The following UBXN4 variants were observed in gnomAD, a reference collection of about 807,000 sequenced individuals.
UBXN4 encodes the protein UBX domain-containing protein 4.
In UBXN4, 35 loss-of-function variants were observed where a neutral mutation model predicts 66.2. The ratio of observed to expected loss-of-function variants is 0.53; its 90% CI spans 0.40 to 0.70. The LOEUF (loss-of-function observed/expected upper bound fraction) is 0.70. Among genes scored for constraint, UBXN4 ranks in the 30% least tolerant of loss-of-function variants. The pLI, the probability that UBXN4 is intolerant of heterozygous loss-of-function variation, is 0.00. For missense variants in UBXN4, 533 were observed against 599.8 expected (o/e 0.89, Z 1.16); for synonymous variants, 203 against 204.5 (o/e 0.99, Z 0.06).
chr2:135,750,578 A>G (rs1161252642), intron 2 of UBXN4, among the ~76,000 whole-genome samples: 3 of 152,138 alleles, frequency 2.0e-5, no homozygotes, highest in African/African-American at 7.2e-5. Flanking sequence ...TTATGTAAAA[A>G]TTTTCTGTGT....
chr2:135,773,039 A>C (rs1472174976), intron 9 of UBXN4, among the ~76,000 whole-genome samples: 2 of 138,544 alleles, frequency 1.4e-5, no homozygotes, highest in African/African-American at 6.2e-5. Context: ...TCCGTCCCCA[A>C]AAAAAAAAAA....
At chr2:135,779,288 A>G (rs975700784) in intron 11 of UBXN4, among the ~76,000 whole-genome samples, 19 of 145,126 alleles carry the variant, frequency 1.3e-4, no homozygotes, top group Non-Finnish European at 2.5e-4. Context: ...AAACAGTTTA[A>G]TTTTTAACTT....
At chr2:135,752,738 T>C (rs1422991523) in intron 2 of UBXN4, among the ~76,000 whole-genome samples, 1 of 152,182 alleles carries the variant, frequency 6.6e-6, no homozygotes, top group African/African-American at 2.4e-5. Flanking sequence ...CTTTCTCTTT[T>C]GAGATGAAGT....
At chr2:135,779,470 CAAT>C (rs1214281232) in intron 11 of UBXN4, among the ~76,000 whole-genome samples, 1 of 152,104 alleles carries the variant, frequency 6.6e-6, no homozygotes, top group Non-Finnish European at 1.5e-5. Flanking sequence ...ATCTGCACAA[CAAT>C]ATTTTAATCT....
chr2:135,767,695 A>G (rs1423093617), intron 6 of UBXN4, among the ~76,000 whole-genome samples: 1 of 152,158 alleles, frequency 6.6e-6, no homozygotes. Context: ...GTTTGGGGCT[A>G]TTTGAATAGA....
intron 6 of UBXN4, among the ~76,000 whole-genome samples, chr2:135,764,809 G>A (rs1388670260): frequency 6.6e-6 from 1 of 151,106 alleles, no homozygotes; most frequent in Non-Finnish European, 1.5e-5. Context: ...CCTCGCCTGT[G>A]ATGGTTTTTT....
At chr2:135,753,602 C>T (rs892030081) in intron 3 of UBXN4, 35 bp downstream of exon 3, 2 of 1,438,360 alleles carry the variant, frequency 1.4e-6, no homozygotes, top group Non-Finnish European at 1.9e-6. Flanking sequence ...TATATATATA[C>T]ATTTATTTAC....
At chr2:135,757,472 C>T (rs1421361136) in intron 5 of UBXN4, among the ~76,000 whole-genome samples, 2 of 152,068 alleles carry the variant, frequency 1.3e-5, no homozygotes, top group Non-Finnish European at 2.9e-5. Flanking sequence ...TTCCCTTTTC[C>T]TCATTTGAGT....
chr2:135,759,368 A>G lies in UBXN4; in HGVS notation c.509-2450A>G, dbSNP rs187230238. 2.6e-5 allele frequency among the ~76,000 whole-genome samples: 4 copies of G among 152,306 alleles called. No individual in the cohort carries two copies. In the East Asian group the frequency reaches 7.7e-4, roughly 29 times the overall value. On this transcript the variant is annotated intron_variant, in intron 5 of 12. Transcript: ENST00000272638. The stretch of plus-strand genomic sequence containing the variant: ...CATCAATTATCTAGGCAATATTTAT[A>G]TTATACTTTTTTTCAGTTTGAGTTA...
At chr2:135,762,010 T>C (rs1352383652) in intron 6 of UBXN4, 99 bp downstream of exon 6, 2 of 1,264,420 alleles carry the variant, frequency 1.6e-6, no homozygotes, top group Admixed American at 2.7e-5. Context: ...ACAAATGAAG[T>C]TTTAGAATTC....
chr2:135,784,840 C>G lies in UBXN4; in HGVS notation c.*1953C>G, dbSNP rs528084733. ...GTAATTTTGGAGTAGGAGGTTCCCT[C>G]CTCAATTTTGTATTTTTAAAAGTAC... is the stretch of plus-strand genomic sequence containing the variant. On this transcript the variant is annotated 3_prime_UTR_variant, in exon 13 of 13. Transcript: ENST00000272638. The G allele has an allele frequency of 2.8e-5, 2 of 72,692 alleles. No homozygotes were observed. The highest frequency in any genetic ancestry group is 4.0e-4 in the East Asian group (1 of 2,518). The allele number at this position is 72,692 out of a possible 1,614,324, so 4.5% of individuals were successfully genotyped here.
In UBXN4 at chr2:135,769,817, A is replaced by G; in HGVS notation, c.651A>G (p.Glu217=). The part of the protein sequence containing the change: ...EERREEKRKE[E]EQREIKKEIE... ...GGAGAGAAGAGAAAAGAAAAGAGGA[A>G]GAACAGGTAAAGTTCATGCAGTTAG... Residue 217 remains glutamate, a synonymous_variant, in exon 7 of 13, where the codon GAA becomes GAG. Transcript: ENST00000272638. 6.2e-7 allele frequency: 1 copy of G among 1,600,346 alleles called. No individual in the cohort carries two copies. Among genetic ancestry groups the G allele is most frequent in the East Asian group, 2.2e-5 (1 of 44,572 alleles).
At chr2:135,764,923 C>T (rs1292815654) in intron 6 of UBXN4, among the ~76,000 whole-genome samples, 3 of 152,044 alleles carry the variant, frequency 2.0e-5, no homozygotes, top group Non-Finnish European at 4.4e-5. Context: ...AAGTGGTCCT[C>T]GTACCTCAGC....
Position 135,776,260 on chromosome 2 carries a change from G to C in UBXN4, c.962G>C (p.Arg321Thr). The part of the protein sequence containing the change: ...SYARERSTVA[R>T]IQFRLPDGSS... ...TTCTTTTTTCATAGCACTGTTGCAA[G>C]AATTCAATTCCGTCTTCCTGATGGT... The change falls in exon 10 of 13, where the codon AGA (arginine) becomes ACA (threonine). Residue 321 changes from arginine (R) to threonine (T), a missense_variant. Physicochemically the swap from Arg to Thr is moderately conservative, Grantham distance 71. Around this residue, in one of 2 missense-constraint regions of UBXN4, gnomAD observed 529 missense variants for 580.1 expected, o/e 0.91. Coordinates refer to ENST00000272638, the MANE Select transcript of UBXN4 (RefSeq NM_014607.4). The C allele has an allele frequency of 6.2e-7, 1 of 1,613,878 alleles. No homozygotes were observed. The highest frequency in any genetic ancestry group is 1.1e-5 in the South Asian group (1 of 91,056).
intron 10 of UBXN4, among the ~76,000 whole-genome samples, chr2:135,776,873 C>T (rs1212910352): frequency 6.6e-6 from 1 of 152,208 alleles, no homozygotes; most frequent in Non-Finnish European, 1.5e-5. Context: ...GGATTACAGG[C>T]GTGAGCCACC....
Position 135,782,835 on chromosome 2 carries a change from ATGG to A in UBXN4, c.1478_1480del (p.Gly493del), listed in dbSNP as rs1185056299. 1 of 1,614,014 alleles carries A rather than the reference ATGG, an allele frequency of 6.2e-7. No individual in the cohort carries two copies. Among genetic ancestry groups the A allele is most frequent in the Non-Finnish European group, 8.5e-7 (1 of 1,179,908 alleles). The stretch of plus-strand genomic sequence containing the variant: ...ATTTATAGATTAAGGACTCAAGATG[ATGG>A]TGAAGATGAAAACAACACTTGGAAT... On this transcript the variant is annotated inframe_deletion, in exon 13 of 13. Transcript: ENST00000272638.
chr2:135,745,796 A>G (rs1198770262), intron 1 of UBXN4, among the ~76,000 whole-genome samples: 1 of 151,488 alleles, frequency 6.6e-6, no homozygotes, highest in Non-Finnish European at 1.5e-5. Flanking sequence ...GTTATTTTGC[A>G]TCTTCAACAT....
Position 135,748,376 on chromosome 2 carries a change from TTA to T in UBXN4, c.185+9_185+10del. ...TTAAAATCGATACCAAAAGGTTTGT[TTA>T]TGTTTTAATATTTTATTAATTTTAA... is the stretch of plus-strand genomic sequence containing the variant. On this transcript the variant is annotated splice_region_variant and intron_variant, in intron 2 of 12. Coordinates refer to ENST00000272638, the MANE Select transcript of UBXN4 (RefSeq NM_014607.4). 6.4e-7 allele frequency: 1 copy of T among 1,561,256 alleles called. No homozygotes were observed. The highest frequency in any genetic ancestry group is 8.7e-7 in the Non-Finnish European group (1 of 1,155,512).
At chr2:135,749,631 T>A (rs552608735) in intron 2 of UBXN4, among the ~76,000 whole-genome samples, 2 of 152,314 alleles carry the variant, frequency 1.3e-5, no homozygotes, top group East Asian at 3.8e-4. Context: ...CTCTGAAGTA[T>A]AAGTATTGTT....
Sources: allele counts gnomAD v4.1 joint callset (sites outside exome capture counted in the v4.1 genomes callset), GRCh38; gene constraint gnomAD v4.1.1; regional missense constraint gnomAD v4.1.1; transcripts MANE v1.5; gene names NCBI Gene and HGNC (gene_info 2026-07-23, HGNC 2026-07-21).